The following PLGRKT variants were observed in gnomAD, a reference collection of about 807,000 sequenced individuals.
PLGRKT encodes plasminogen receptor (KT).
PLGRKT carries 22 observed loss-of-function variants against 18.5 expected under a neutral mutation model. The observed-to-expected ratio is 1.19, with a 90% confidence interval of 0.85 to 1.70. PLGRKT has a LOEUF of 1.70. Ranked by LOEUF, PLGRKT falls within the 40% of genes most tolerant of loss-of-function variation. The pLI is 0.00. For missense variants in PLGRKT, 235 were observed against 174.4 expected, an observed-to-expected ratio of 1.35 and a Z score of -1.96; for synonymous variants, 72 against 52.8, an observed-to-expected ratio of 1.36 and a Z score of -1.58.
rs540690385 is a variant in PLGRKT, at chr9:5,399,123, C to A, written c.81+32774G>T. ...TCCCCAGTACCCCCAAATCCTTATT[C>A]CTATTCCTTACTCTAGCTTAAGATA... is the stretch of plus-strand genomic sequence containing the variant. On this transcript the variant is annotated intron_variant, in intron 3 of 5. Coordinates refer to ENST00000223864, the MANE Select transcript of PLGRKT (RefSeq NM_018465.4). Among the ~76,000 whole-genome samples, 431 of 151,834 alleles carry A rather than the reference C, an allele frequency of 2.8e-3. 10 individuals are homozygous for A. Among genetic ancestry groups the A allele is most frequent in the African/African-American group, 9.8e-3 (403 of 41,180 alleles).
intron 2 of PLGRKT, among the ~76,000 whole-genome samples, chr9:5,434,448 C>T (rs1247182061): frequency 6.1e-5 from 9 of 147,048 alleles, no homozygotes; most frequent in African/African-American, 1.3e-4. Context: ...GCCCGGCCGC[C>T]GCCCCGTCTG....
chr9:5,382,261 A>G (rs1260957807), intron 3 of PLGRKT, among the ~76,000 whole-genome samples: 9 of 152,240 alleles, frequency 5.9e-5, no homozygotes, highest in Non-Finnish European at 1.3e-4. Flanking sequence ...GAAGTATTAA[A>G]GAAGAAATTT....
chr9:5,428,371 T>A (rs1373456488), intron 3 of PLGRKT, among the ~76,000 whole-genome samples: 1 of 152,184 alleles, frequency 6.6e-6, no homozygotes, highest in Non-Finnish European at 1.5e-5. Context: ...TTTATGGCTC[T>A]GTTGGACTGG....
chr9:5,382,048 A>G, intron 3 of PLGRKT: 1 of 978,092 alleles, frequency 1.0e-6, no homozygotes. Context: ...AAAAAGTCAT[A>G]TTAGCCTCAC....
intron 3 of PLGRKT, among the ~76,000 whole-genome samples, chr9:5,364,937 C>A (rs775059298): frequency 3.9e-5 from 6 of 152,090 alleles, no homozygotes; most frequent in Non-Finnish European, 7.4e-5. Context: ...CAGACATAGA[C>A]AAGGATGAAA....
At chr9:5,385,459 G>A (rs761792107) in intron 3 of PLGRKT, among the ~76,000 whole-genome samples, 1 of 151,556 alleles carries the variant, frequency 6.6e-6, no homozygotes, top group African/African-American at 2.4e-5. Context: ...TGATCCTCCT[G>A]CCTCAGCTAC....
In PLGRKT at chr9:5,371,310, T is replaced by A. The variant is rs556712076; in HGVS notation, c.82-9422A>T. ...AACAAAAGACCATCCACTTCTGATA[T>A]GATTTGGCTGTGTCCCCACCCAAAC... On this transcript the variant is annotated intron_variant, in intron 3 of 5. Transcript: ENST00000223864. Among the ~76,000 whole-genome samples the A allele has an allele frequency of 1.6e-4, 24 of 152,342 alleles. No homozygotes were observed. In the South Asian group the frequency reaches 4.4e-3, roughly 28 times the overall value.
In PLGRKT at chr9:5,367,773, C is replaced by T. The variant is rs1346571742; in HGVS notation, c.82-5885G>A. The stretch of plus-strand genomic sequence containing the variant: ...ATTAAACTAAAGAGCTTCTGCCCAA[C>T]AACAACAAAACTATCAACAGAGTAA... On this transcript the variant is annotated intron_variant, in intron 3 of 5. Coordinates refer to ENST00000223864, the MANE Select transcript of PLGRKT (RefSeq NM_018465.4). 2.0e-5 allele frequency among the ~76,000 whole-genome samples: 3 copies of T among 152,184 alleles called. No homozygotes were observed. In the East Asian group the frequency reaches 5.8e-4, roughly 29 times the overall value.
At chr9:5,420,829 T>C (rs1818561907) in intron 3 of PLGRKT, among the ~76,000 whole-genome samples, 1 of 152,186 alleles carries the variant, frequency 6.6e-6, no homozygotes, top group Non-Finnish European at 1.5e-5. Flanking sequence ...TTCAAGATGT[T>C]GGTACAGCCT....
At chr9:5,383,938 A>T (rs1014985585) in intron 3 of PLGRKT, among the ~76,000 whole-genome samples, 10 of 152,240 alleles carry the variant, frequency 6.6e-5, no homozygotes, top group Admixed American at 3.9e-4. Context: ...TTTGAAGGCC[A>T]GATGACTTCA....
intron 3 of PLGRKT, among the ~76,000 whole-genome samples, chr9:5,406,863 T>C (rs1391958120): frequency 6.6e-6 from 1 of 152,162 alleles, no homozygotes; most frequent in Non-Finnish European, 1.5e-5. Flanking sequence ...CAAAAACCAC[T>C]TGTACCCAAA....
intron 3 of PLGRKT, among the ~76,000 whole-genome samples, chr9:5,425,791 C>T (rs1191378152): frequency 2.0e-5 from 3 of 151,406 alleles, no homozygotes; most frequent in Non-Finnish European, 4.4e-5. Context: ...TCTTTTCCCC[C>T]AAAAGAAAAA....
At chr9:5,436,100 G>A (rs147752272) in intron 2 of PLGRKT, among the ~76,000 whole-genome samples, 2 of 152,346 alleles carry the variant, frequency 1.3e-5, no homozygotes, top group East Asian at 3.9e-4. Context: ...AGCACCCTGT[G>A]ACCAGAGTTA....
chr9:5,410,050 A>G (rs1290876263), intron 3 of PLGRKT, among the ~76,000 whole-genome samples: 1 of 152,180 alleles, frequency 6.6e-6, no homozygotes, highest in Non-Finnish European at 1.5e-5. Flanking sequence ...TAAAATAATA[A>G]AATAATATTT....
At chr9:5,408,086 AG>A (rs1246037696) in intron 3 of PLGRKT, among the ~76,000 whole-genome samples, 1 of 152,226 alleles carries the variant, frequency 6.6e-6, no homozygotes, top group East Asian at 1.9e-4. Flanking sequence ...TGGAGGGGCA[AG>A]AAAAAAAGTT....
intron 3 of PLGRKT, among the ~76,000 whole-genome samples, chr9:5,375,514 G>A (rs1028692243): frequency 3.9e-5 from 6 of 152,108 alleles, no homozygotes; most frequent in South Asian, 4.1e-4. Flanking sequence ...ATAAATACAT[G>A]TAAAATTTTG....
chr9:5,434,834 C>T (rs547862237), intron 2 of PLGRKT, among the ~76,000 whole-genome samples: 5 of 152,116 alleles, frequency 3.3e-5, no homozygotes, highest in African/African-American at 7.2e-5. Flanking sequence ...CAGCGACCAT[C>T]GAGAACGGGC....
intron 3 of PLGRKT, among the ~76,000 whole-genome samples, chr9:5,397,474 T>A (rs1563778836): frequency 6.6e-6 from 1 of 151,266 alleles, no homozygotes; most frequent in African/African-American, 2.4e-5. Flanking sequence ...CAATTCTGTA[T>A]CCCAATCACC....
At chr9:5,401,171 T>C (rs1280473575) in intron 3 of PLGRKT, among the ~76,000 whole-genome samples, 1 of 151,844 alleles carries the variant, frequency 6.6e-6, no homozygotes, top group East Asian at 1.9e-4. Flanking sequence ...ACAAGCTTAG[T>C]GTTCCATTAC....
Sources: gnomAD v4.1 joint callset for allele counts (sites outside exome capture counted in the v4.1 genomes callset) on GRCh38, gnomAD v4.1.1 for gene constraint, MANE v1.5 for transcripts, NCBI Gene and HGNC (gene_info 2026-07-23, HGNC 2026-07-21) for gene names.